The following MDH2 variants were observed in gnomAD, a reference collection of about 807,000 sequenced individuals.
MDH2 encodes malate dehydrogenase, mitochondrial.
Under a neutral mutation model 33.6 loss-of-function variants are expected in MDH2, and 25 were observed. That is an observed-to-expected ratio of 0.74 (90% CI 0.54 to 1.04). The LOEUF (loss-of-function observed/expected upper bound fraction) is 1.04. Ranked by LOEUF, MDH2 falls within the 50% of genes least tolerant of loss-of-function variation. The pLI is 0.00. For synonymous variants in MDH2, 193 were observed against 188.7 expected, an observed-to-expected ratio of 1.02 and a Z score of -0.19; for missense variants, 432 against 445.0, an observed-to-expected ratio of 0.97 and a Z score of 0.26.
chr7:76,060,292 A>T, intron 4 of MDH2, 81 bp from the exon 5 acceptor site: 3 of 1,564,546 alleles, frequency 1.9e-6, no homozygotes. Flanking sequence ...GGAAGGTCTG[A>T]CAAAAAGCCC....
At chr7:76,055,039 C>T (rs1321851235) in intron 2 of MDH2, 41 bp downstream of exon 2, 2 of 1,556,872 alleles carry the variant, frequency 1.3e-6, no homozygotes, top group African/African-American at 1.4e-5. Flanking sequence ...TTCCTGTCCC[C>T]AGTAGGCCAG....
chr7:76,057,422 C>G lies in MDH2; in HGVS notation c.248C>G (p.Pro83Arg). The change falls in exon 3 of 9, where the codon CCT (proline) becomes CGT (arginine). Residue 83 changes from proline (P) to arginine (R), a missense_variant. By Grantham distance (103) the Pro-to-Arg change is moderately radical (BLOSUM62 -2). Transcript: ENST00000315758. ...GTGTTTGTTCTAGGCTACCTCGGACCTGAACAGCTGCCTGACTGCCTGAAA... is the reference window on the plus strand; with the variant it reads ...GTGTTTGTTCTAGGCTACCTCGGACGTGAACAGCTGCCTGACTGCCTGAAA... ...TKAAVKGYLG[P>R]EQLPDCLKGC... 1 of 1,614,150 alleles carries G rather than the reference C, an allele frequency of 6.2e-7. No individual in the cohort carries two copies. Among genetic ancestry groups the G allele is most frequent in the Non-Finnish European group, 8.5e-7 (1 of 1,180,042 alleles).
At chr7:76,056,396 C>T (rs553551410) in intron 2 of MDH2, among the ~76,000 whole-genome samples, 66 of 152,234 alleles carry the variant, frequency 4.3e-4, no homozygotes, top group Non-Finnish European at 4.6e-4. Flanking sequence ...ACAGCGTATG[C>T]GATACCGTGT....
In MDH2 at chr7:76,057,392, G is replaced by T. The variant is rs2116673136; in HGVS notation, c.236-18G>T. On this transcript the variant is annotated intron_variant, in intron 2 of 8. Transcript: ENST00000315758. The stretch of plus-strand genomic sequence containing the variant: ...AATCAGAAACGGTGACATTTCTCTT[G>T]TGGGGTGTTTGTTCTAGGCTACCTC... The T allele has an allele frequency of 6.2e-7, 1 of 1,613,944 alleles. No homozygotes were observed. The highest frequency in any genetic ancestry group is 8.5e-7 in the Non-Finnish European group (1 of 1,179,920).
intron 1 of MDH2, 65 bp downstream of exon 1, chr7:76,048,291 T>A (rs1161394529): frequency 6.6e-7 from 1 of 1,505,968 alleles, no homozygotes; most frequent in Admixed American, 2.1e-5. Context: ...GCGTCCCCGG[T>A]TCGCGGGCAG....
At chr7:76,052,448 A>AT (rs1797654524) in intron 1 of MDH2, among the ~76,000 whole-genome samples, 1 of 136,118 alleles carries the variant, frequency 7.3e-6, no homozygotes, top group Admixed American at 7.6e-5. Flanking sequence ...AAAAAAAAAA[A>AT]AAAGATACAC....
At chr7:76,066,146 G>A (rs1226175233) in intron 8 of MDH2, 133 bp from the exon 9 acceptor site, 13 of 1,116,450 alleles carry the variant, frequency 1.2e-5, no homozygotes, top group African/African-American at 3.1e-5. Flanking sequence ...TCAGCAAGGC[G>A]TCCCCAGCAA....
chr7:76,049,692 A>G (rs571895383), intron 1 of MDH2, among the ~76,000 whole-genome samples: 3 of 152,270 alleles, frequency 2.0e-5, no homozygotes, highest in African/African-American at 7.2e-5. Flanking sequence ...GCGGTGAACA[A>G]AACACAGAAG....
At chr7:76,048,759 C>T (rs1239484686) in intron 1 of MDH2, 8 of 1,229,440 alleles carry the variant, frequency 6.5e-6, no homozygotes, top group Non-Finnish European at 8.1e-6. Context: ...AGACGGCTTC[C>T]TCTTAACCTT....
intron 2 of MDH2, among the ~76,000 whole-genome samples, chr7:76,055,634 G>A (rs2116666042): frequency 6.6e-6 from 1 of 151,662 alleles, no homozygotes; most frequent in Non-Finnish European, 1.5e-5. Flanking sequence ...CTACTTGGGA[G>A]GCTGAGGTGG....
rs1383372388 is a variant in MDH2 at position 76,051,586 on chromosome 7, GC to G, written c.67-3243del. On this transcript the variant is annotated intron_variant, in intron 1 of 8. Coordinates refer to ENST00000315758, the MANE Select transcript of MDH2 (RefSeq NM_005918.4). ...TGCGCCCATCTCAGCCTCCCAAAGT[GC>G]TAGGATTAAACGCGTGAGCCACCAC... Among the ~76,000 whole-genome samples, 337 of 151,986 alleles carry G rather than the reference GC, an allele frequency of 2.2e-3. 4 individuals are homozygous for G. The highest frequency in any genetic ancestry group is 7.7e-3 in the African/African-American group (319 of 41,426).
intron 8 of MDH2, 117 bp downstream of exon 8, chr7:76,065,070 G>A: frequency 7.9e-7 from 1 of 1,273,620 alleles, no homozygotes; most frequent in Non-Finnish European, 1.1e-6. Flanking sequence ...TGCCTGGCGA[G>A]TGCTGTTGTT....
intron 5 of MDH2, among the ~76,000 whole-genome samples, chr7:76,062,440 C>T (rs1293698129): frequency 1.3e-5 from 2 of 152,246 alleles, no homozygotes; most frequent in African/African-American, 4.8e-5. Context: ...CCTCTCGGAT[C>T]TTTGGCTCCC....
chr7:76,048,788 C>T, intron 1 of MDH2: 6 of 1,224,302 alleles, frequency 4.9e-6, no homozygotes, highest in Non-Finnish European at 6.1e-6. Flanking sequence ...ATCTCTCCTG[C>T]TGTGGGCGGA....
chr7:76,057,624 TG>T, intron 3 of MDH2, 131 bp downstream of exon 3: 1 of 897,240 alleles, frequency 1.1e-6, no homozygotes, highest in Non-Finnish European at 1.7e-6. Context: ...CCCTTTCCTG[TG>T]GGGTAAAGGT....
intron 1 of MDH2, among the ~76,000 whole-genome samples, chr7:76,051,668 A>G (rs949162414): frequency 8.5e-5 from 13 of 152,226 alleles, no homozygotes; most frequent in Non-Finnish European, 1.8e-4. Flanking sequence ...CATAGCCCCA[A>G]TGTATTTACT....
chr7:76,066,014 T>C (rs1554587815), intron 8 of MDH2, among the ~76,000 whole-genome samples: 2 of 152,034 alleles, frequency 1.3e-5, no homozygotes, highest in Non-Finnish European at 2.9e-5. Context: ...AGGAAACACA[T>C]TTGGAAGGTC....
chr7:76,060,948 G>A, intron 5 of MDH2, among the ~76,000 whole-genome samples: 1 of 152,022 alleles, frequency 6.6e-6, no homozygotes, highest in East Asian at 1.9e-4. Flanking sequence ...TATCAGAATT[G>A]TTGTTGGCCC....
chr7:76,063,653 T>C (rs1554587338), intron 6 of MDH2, 61 bp downstream of exon 6: 4 of 1,517,616 alleles, frequency 2.6e-6, no homozygotes, highest in Admixed American at 3.3e-5. Flanking sequence ...CAGGCCCTGC[T>C]TTGAGGTGAT....
Sources: gnomAD v4.1 joint callset for allele counts (sites outside exome capture counted in the v4.1 genomes callset) on GRCh38, gnomAD v4.1.1 for gene constraint, MANE v1.5 for transcripts, NCBI Gene and HGNC (gene_info 2026-07-23, HGNC 2026-07-21) for gene names.